The following PLD5 variants were observed in gnomAD, a reference collection of about 807,000 sequenced individuals.
The protein encoded by PLD5 is inactive phospholipase D5.
A neutral mutation model predicts 61.1 loss-of-function variants in PLD5; 36 were observed. The observed-to-expected ratio is 0.59, with a 90% CI of 0.45 to 0.78. The LOEUF is 0.78. Among genes scored for constraint, PLD5 ranks in the 30% least tolerant of loss-of-function variants. The pLI, the probability that PLD5 is intolerant of heterozygous loss-of-function variation, is 0.00. For synonymous variants in PLD5, 243 were observed against 242.8 expected (o/e 1.00, Z -0.01); for missense variants, 515 against 644.4 (o/e 0.80, Z 2.17).
At chr1:242,295,223 AT>A (rs922384896) in intron 2 of PLD5, among the ~76,000 whole-genome samples, 2 of 152,034 alleles carry the variant, frequency 1.3e-5, no homozygotes, top group Non-Finnish European at 2.9e-5. Flanking sequence ...GCTTCTAGTG[AT>A]CTCATCACCC....
intron 2 of PLD5, among the ~76,000 whole-genome samples, chr1:242,304,611 G>C (rs1372087835): frequency 6.6e-6 from 1 of 152,068 alleles, no homozygotes; most frequent in East Asian, 1.9e-4. Context: ...CAATAAATTA[G>C]TTTCTATAAG....
At chr1:242,315,600 T>C (rs1364296938) in intron 2 of PLD5, among the ~76,000 whole-genome samples, 2 of 152,122 alleles carry the variant, frequency 1.3e-5, no homozygotes, top group African/African-American at 4.8e-5. Flanking sequence ...GGTATTGAGA[T>C]CCTCAAGTCC....
intron 2 of PLD5, among the ~76,000 whole-genome samples, chr1:242,317,714 C>T (rs1009171130): frequency 7.0e-6 from 1 of 142,336 alleles, no homozygotes; most frequent in African/African-American, 2.6e-5. Flanking sequence ...AGGTTCATAG[C>T]TAAGAATCTC....
At chr1:242,472,867 G>A (rs975231939) in intron 1 of PLD5, among the ~76,000 whole-genome samples, 1 of 152,070 alleles carries the variant, frequency 6.6e-6, no homozygotes, top group Non-Finnish European at 1.5e-5. Flanking sequence ...AAGTATCCAA[G>A]GTGTGACCGC....
chr1:242,332,394 T>C (rs12061270), intron 2 of PLD5, among the ~76,000 whole-genome samples: 1,565 of 152,312 alleles, frequency 0.01, 18 homozygotes, highest in African/African-American at 0.035. Context: ...TTTGGGTATA[T>C]ACCCAGTAAT....
At chr1:242,485,423 GACAA>G (rs201517696) in intron 1 of PLD5, among the ~76,000 whole-genome samples, 4,934 of 152,104 alleles carry the variant, frequency 0.032, 235 homozygotes, top group African/African-American at 0.11. Context: ...ACCAATAACA[GACAA>G]ACAGAGACCC....
intron 3 of PLD5, among the ~76,000 whole-genome samples, chr1:242,283,262 C>A (rs1233320368): frequency 1.3e-5 from 2 of 152,132 alleles, no homozygotes; most frequent in Non-Finnish European, 2.9e-5. Context: ...ATTCATCATT[C>A]CTGTTAGTAG....
chr1:242,309,508 G>A (rs567839036), intron 2 of PLD5, among the ~76,000 whole-genome samples: 5 of 151,746 alleles, frequency 3.3e-5, no homozygotes, highest in African/African-American at 9.7e-5. Flanking sequence ...CGAGTAGCTG[G>A]GATTACAGGT....
At chr1:242,347,420 T>C (rs1660199171) in intron 2 of PLD5, among the ~76,000 whole-genome samples, 1 of 152,148 alleles carries the variant, frequency 6.6e-6, no homozygotes, top group Admixed American at 6.6e-5. Context: ...TCTGCCTGCT[T>C]TTGGTACTTT....
At chr1:242,154,336 T>C (rs1465605986) in intron 5 of PLD5, among the ~76,000 whole-genome samples, 1 of 152,040 alleles carries the variant, frequency 6.6e-6, no homozygotes, top group Non-Finnish European at 1.5e-5. Context: ...TACCCTTATT[T>C]CTTTTCTTGC....
intron 1 of PLD5, among the ~76,000 whole-genome samples, chr1:242,363,041 A>G (rs189195527): frequency 4.6e-5 from 7 of 152,248 alleles, no homozygotes; most frequent in African/African-American, 1.7e-4. Context: ...CAGGGCAGAA[A>G]ACCAGAGAGA....
At chr1:242,341,913 G>C (rs1047027616) in intron 2 of PLD5, among the ~76,000 whole-genome samples, 35 of 149,508 alleles carry the variant, frequency 2.3e-4, no homozygotes, top group African/African-American at 8.1e-4. Context: ...AGCCAGCCTA[G>C]ACCGGTAGCC....
intron 1 of PLD5, among the ~76,000 whole-genome samples, chr1:242,390,809 T>A (rs4100879): frequency 6.6e-6 from 1 of 152,232 alleles, no homozygotes; most frequent in Middle Eastern, 3.4e-3. Context: ...CAATTCTTCA[T>A]GTTAAGGACC....
At chr1:242,406,066 C>T (rs1664219988) in intron 1 of PLD5, among the ~76,000 whole-genome samples, 1 of 152,194 alleles carries the variant, frequency 6.6e-6, no homozygotes, top group Non-Finnish European at 1.5e-5. Flanking sequence ...GGTAAAGCCT[C>T]ACATTCCAAA....
chr1:242,409,439 T>G (rs1044246695), intron 1 of PLD5, among the ~76,000 whole-genome samples: 1 of 151,224 alleles, frequency 6.6e-6, no homozygotes, highest in East Asian at 2.0e-4. Context: ...TTGTCCATGT[T>G]GCCTTATTGG....
intron 2 of PLD5, among the ~76,000 whole-genome samples, chr1:242,328,638 A>G (rs1349274415): frequency 6.6e-6 from 1 of 152,240 alleles, no homozygotes; most frequent in Non-Finnish European, 1.5e-5. Context: ...CATTTGATGT[A>G]TATATAAAAA....
intron 5 of PLD5, among the ~76,000 whole-genome samples, chr1:242,172,903 A>C (rs1402345007): frequency 6.6e-6 from 1 of 152,148 alleles, no homozygotes; most frequent in Non-Finnish European, 1.5e-5. Flanking sequence ...TCAAACAAAA[A>C]AAAAAGTCCA....
intron 5 of PLD5, among the ~76,000 whole-genome samples, chr1:242,185,641 T>C (rs1360926965): frequency 6.6e-6 from 1 of 152,236 alleles, no homozygotes; most frequent in Non-Finnish European, 1.5e-5. Context: ...ATCATACTCA[T>C]AATTCCCTTA....
At chr1:242,464,411 T>G (rs1667213022) in intron 1 of PLD5, among the ~76,000 whole-genome samples, 1 of 152,238 alleles carries the variant, frequency 6.6e-6, no homozygotes, top group Non-Finnish European at 1.5e-5. Context: ...ATTTAGCACA[T>G]AGCTTTCCTT....
Sources: gnomAD v4.1 joint callset for allele counts (sites outside exome capture counted in the v4.1 genomes callset) on GRCh38, gnomAD v4.1.1 for gene constraint, MANE v1.5 for transcripts, NCBI Gene and HGNC (gene_info 2026-07-23, HGNC 2026-07-21) for gene names.